GABRG3: variants seen among roughly 807,000 people sequenced by gnomAD.
The protein encoded by GABRG3 is gamma-aminobutyric acid receptor subunit gamma-3.
Under a neutral mutation model 48.8 loss-of-function variants are expected in GABRG3, and 25 were observed. The ratio of observed to expected loss-of-function variants is 0.51; its 90% CI spans 0.37 to 0.72. The LOEUF is 0.72. Ranked by LOEUF, GABRG3 falls within the 30% of genes least tolerant of loss-of-function variation. GABRG3 has a pLI of 0.00. For synonymous variants in GABRG3, 227 were observed against 217.6 expected (o/e 1.04, Z -0.38); for missense variants, 394 against 577.9 (o/e 0.68, Z 3.26).
At chr15:27,368,114 C>T (rs1050761841) in intron 5 of GABRG3, among the ~76,000 whole-genome samples, 1 of 152,164 alleles carries the variant, frequency 6.6e-6, no homozygotes. Flanking sequence ...CTGTAGGTCT[C>T]ATAGAGAAGG....
At chr15:26,984,458 A>G (rs1012002905) in intron 2 of GABRG3, among the ~76,000 whole-genome samples, 1 of 152,182 alleles carries the variant, frequency 6.6e-6, no homozygotes, top group African/African-American at 2.4e-5. Flanking sequence ...CATAATACAA[A>G]TTGTGATCAT....
At chr15:27,313,299 T>TATAC (rs1415339982) in intron 3 of GABRG3, among the ~76,000 whole-genome samples, 1 of 107,058 alleles carries the variant, frequency 9.3e-6, no homozygotes, top group African/African-American at 3.8e-5. Context: ...TATATATATA[T>TATAC]ATATATATAT....
intron 3 of GABRG3, among the ~76,000 whole-genome samples, chr15:27,088,562 T>C (rs897926359): frequency 3.3e-5 from 5 of 152,118 alleles, no homozygotes; most frequent in Non-Finnish European, 7.4e-5. Flanking sequence ...AGAGGTTTCA[T>C]TGGCTCCCAG....
At chr15:27,496,855 T>C (rs55961304) in intron 6 of GABRG3, among the ~76,000 whole-genome samples, 17,312 of 152,316 alleles carry the variant, frequency 0.11, 1,227 homozygotes, top group Middle Eastern at 0.23. Context: ...ACAATGTTTA[T>C]GCTTTGTCTC....
chr15:27,449,196 C>A (rs1469484914), intron 5 of GABRG3, among the ~76,000 whole-genome samples: 1 of 152,172 alleles, frequency 6.6e-6, no homozygotes, highest in African/African-American at 2.4e-5. Context: ...GTAGCCTTTC[C>A]AACAGAACTC....
Position 27,527,410 on chromosome 15 carries a change from C to T in GABRG3, c.866-23C>T, listed in dbSNP as rs764006643. 1.9e-6 allele frequency: 3 copies of T among 1,605,974 alleles called. No individual in the cohort carries two copies. The Admixed American group carries it at 5.0e-5, about 27-fold the overall frequency. ...TGTTGCGTGTTGCACCCTTTTACAA[C>T]ATGCTACCCGTCCCCTGTTCAGGCA... On this transcript the variant is annotated intron_variant, in intron 7 of 9. Coordinates refer to ENST00000615808, the MANE Select transcript of GABRG3 (RefSeq NM_033223.5).
chr15:27,481,912 A>G (rs183908654), intron 6 of GABRG3, among the ~76,000 whole-genome samples: 1 of 152,294 alleles, frequency 6.6e-6, no homozygotes, highest in African/African-American at 2.4e-5. Context: ...GCTGCAATGT[A>G]CCAGCAGACC....
intron 5 of GABRG3, among the ~76,000 whole-genome samples, chr15:27,409,756 GA>G (rs1410226981): frequency 6.6e-6 from 1 of 152,092 alleles, no homozygotes; most frequent in Non-Finnish European, 1.5e-5. Context: ...AAAATATGTA[GA>G]AAAAATGACT....
chr15:27,061,097 C>T (rs1896635878), intron 3 of GABRG3, among the ~76,000 whole-genome samples: 1 of 152,200 alleles, frequency 6.6e-6, no homozygotes, highest in South Asian at 2.1e-4. Context: ...AGGCAATTGC[C>T]ATTGCTTACC....
At chr15:26,982,156 C>T (rs1325179232) in intron 2 of GABRG3, among the ~76,000 whole-genome samples, 2 of 152,184 alleles carry the variant, frequency 1.3e-5, no homozygotes, top group Non-Finnish European at 2.9e-5. Context: ...GAAAATCTTT[C>T]TAGTGTGAAG....
rs1440344047 is a variant in GABRG3 at position 27,215,251 on chromosome 15, C to T, written c.271-111558C>T. 2.0e-5 allele frequency among the ~76,000 whole-genome samples: 3 copies of T among 152,140 alleles called. No homozygotes were observed. The East Asian group carries it at 5.8e-4, about 29-fold the overall frequency. The stretch of plus-strand genomic sequence containing the variant: ...GAGGCTCTTGGCAGGGTGATGAGGG[C>T]CCCTTGCCTCCACAGCCCCTGAACT... On this transcript the variant is annotated intron_variant, in intron 3 of 9. Coordinates refer to ENST00000615808, the MANE Select transcript of GABRG3 (RefSeq NM_033223.5).
At chr15:27,011,644 G>A (rs148628329) in intron 2 of GABRG3, among the ~76,000 whole-genome samples, 8,379 of 151,946 alleles carry the variant, frequency 0.055, 405 homozygotes, top group South Asian at 0.27. Context: ...TCAGGAGATC[G>A]AGACCATCCT....
intron 3 of GABRG3, among the ~76,000 whole-genome samples, chr15:27,053,962 AC>A (rs1896497035): frequency 6.6e-6 from 1 of 152,196 alleles, no homozygotes; most frequent in Non-Finnish European, 1.5e-5. Flanking sequence ...GACACTGGGG[AC>A]TTCAAAAGGA....
chr15:27,404,967 A>G (rs1845486012), intron 5 of GABRG3, among the ~76,000 whole-genome samples: 1 of 152,228 alleles, frequency 6.6e-6, no homozygotes, highest in African/African-American at 2.4e-5. Context: ...TGGAGAGTCA[A>G]GAATAGCTTA....
chr15:27,365,585 G>A (rs982644972), intron 5 of GABRG3: 3 of 152,192 alleles, frequency 2.0e-5, no homozygotes, highest in African/African-American at 7.2e-5. Flanking sequence ...GGTTGGCAGT[G>A]CTTATGCCAG....
intron 3 of GABRG3, among the ~76,000 whole-genome samples, chr15:27,307,227 T>G (rs141370441): frequency 0.012 from 1,470 of 127,086 alleles, 35 homozygotes; most frequent in African/African-American, 0.037. Context: ...ATAACCATGT[T>G]TATATTATAT....
intron 3 of GABRG3, among the ~76,000 whole-genome samples, chr15:27,096,683 T>G (rs4592622): frequency 0.26 from 39,625 of 152,030 alleles, 5,352 homozygotes; most frequent in Middle Eastern, 0.33. Context: ...TCCAAATAAT[T>G]AATAAATTCA....
chr15:27,278,200 C>T (rs1026172914), intron 3 of GABRG3, among the ~76,000 whole-genome samples: 1 of 152,076 alleles, frequency 6.6e-6, no homozygotes, highest in Non-Finnish European at 1.5e-5. Context: ...TACAGGCATG[C>T]ACCACCATGC....
chr15:27,291,916 A>G (rs923446417), intron 3 of GABRG3, among the ~76,000 whole-genome samples: 2 of 152,184 alleles, frequency 1.3e-5, no homozygotes, highest in African/African-American at 4.8e-5. Flanking sequence ...TCTCCACATA[A>G]CTGACTCTGC....
Sources: gnomAD v4.1 joint callset for allele counts (sites outside exome capture counted in the v4.1 genomes callset) on GRCh38, gnomAD v4.1.1 for gene constraint, MANE v1.5 for transcripts, NCBI Gene and HGNC (gene_info 2026-07-23, HGNC 2026-07-21) for gene names.